The following ERC1 variants were observed in gnomAD, a reference collection of about 807,000 sequenced individuals.
ERC1 encodes the protein ELKS/RAB6-interacting/CAST family member 1.
In ERC1, 56 loss-of-function variants were observed where a neutral mutation model predicts 132.0. The ratio of observed to expected loss-of-function variants is 0.42; its 90% CI spans 0.34 to 0.53. The LOEUF is 0.53. Ranked by LOEUF, ERC1 falls within the 20% of genes least tolerant of loss-of-function variation. The pLI is 0.03. For synonymous variants in ERC1, 478 were observed against 476.1 expected, an observed-to-expected ratio of 1.00 and a Z score of -0.05; for missense variants, 1,202 against 1,349.9, an observed-to-expected ratio of 0.89 and a Z score of 1.72.
chr12:1,051,314 G>A (rs1256408789), intron 2 of ERC1, among the ~76,000 whole-genome samples: 1 of 151,972 alleles, frequency 6.6e-6, no homozygotes, highest in Non-Finnish European at 1.5e-5. Flanking sequence ...AGGATTTAGA[G>A]GTTAAAAAGC....
intron 16 of ERC1, among the ~76,000 whole-genome samples, chr12:1,407,894 T>A (rs2091606057): frequency 6.6e-6 from 1 of 152,092 alleles, no homozygotes; most frequent in Non-Finnish European, 1.5e-5. Context: ...CTTAATTACC[T>A]CCTGAAGACC....
At chr12:1,463,288 A>G (rs1011754772) in intron 18 of ERC1, among the ~76,000 whole-genome samples, 5 of 152,186 alleles carry the variant, frequency 3.3e-5, no homozygotes, top group Non-Finnish European at 5.9e-5. Context: ...ATCATCAGTC[A>G]CAGACATGAC....
At chr12:1,019,104 C>T (rs898528648) in intron 1 of ERC1, among the ~76,000 whole-genome samples, 1 of 152,090 alleles carries the variant, frequency 6.6e-6, no homozygotes, top group African/African-American at 2.4e-5. Context: ...ATCTCATATG[C>T]ACTACCAAGG....
intron 17 of ERC1, among the ~76,000 whole-genome samples, chr12:1,408,933 A>G (rs1300423015): frequency 6.6e-6 from 1 of 152,230 alleles, no homozygotes; most frequent in Non-Finnish European, 1.5e-5. Context: ...CCATTACCAA[A>G]AATCAAATTT....
intron 14 of ERC1, among the ~76,000 whole-genome samples, chr12:1,265,413 A>G (rs1268116017): frequency 6.6e-6 from 1 of 152,144 alleles, no homozygotes; most frequent in South Asian, 2.1e-4. Flanking sequence ...TGTTTTATTT[A>G]TGGTTAATAG....
chr12:1,300,246 G>A (rs2080284120), intron 15 of ERC1, among the ~76,000 whole-genome samples: 1 of 152,016 alleles, frequency 6.6e-6, no homozygotes. Flanking sequence ...AATGGTCCTG[G>A]GATAACTGCC....
chr12:1,273,176 C>T (rs868280341), intron 14 of ERC1, among the ~76,000 whole-genome samples: 43 of 151,990 alleles, frequency 2.8e-4, no homozygotes, highest in African/African-American at 9.9e-4. Context: ...CAGGAAGATA[C>T]GGAAATTTTA....
intron 1 of ERC1, among the ~76,000 whole-genome samples, chr12:1,021,032 C>T (rs112231570): frequency 1.3e-5 from 2 of 152,212 alleles, no homozygotes; most frequent in South Asian, 2.1e-4. Flanking sequence ...CTCCACCTCC[C>T]GGGTTCAAGC....
rs144445742 is a variant in ERC1, at chr12:1,487,909, C to T, written c.3214-2184C>T. On this transcript the variant is annotated intron_variant, in intron 18 of 18. Coordinates refer to ENST00000360905, the MANE Select transcript of ERC1 (RefSeq NM_178040.4). ...ATCCCAACACTTTGGGAGGCCGAGG[C>T]GGGCGGATCACAAGGTCAGGAGATC... is the stretch of plus-strand genomic sequence containing the variant. 8.5e-3 allele frequency among the ~76,000 whole-genome samples: 1,288 copies of T among 152,076 alleles called. 25 individuals are homozygous for T. Among genetic ancestry groups the T allele is most frequent in the African/African-American group, 0.029 (1,190 of 41,474 alleles).
intron 12 of ERC1, among the ~76,000 whole-genome samples, chr12:1,236,412 A>G (rs1018144584): frequency 1.3e-5 from 2 of 152,202 alleles, no homozygotes; most frequent in Non-Finnish European, 2.9e-5. Context: ...TCTATCAGCC[A>G]TTCTAATATT....
intron 13 of ERC1, among the ~76,000 whole-genome samples, chr12:1,248,805 C>T (rs1458790159): frequency 2.0e-5 from 3 of 152,156 alleles, no homozygotes; most frequent in Non-Finnish European, 2.9e-5. Flanking sequence ...TTGCACGAGA[C>T]AAACAAGCTT....
chr12:1,001,846 G>A (rs1182353026), intron 1 of ERC1, among the ~76,000 whole-genome samples: 1 of 138,588 alleles, frequency 7.2e-6, no homozygotes, highest in Non-Finnish European at 1.5e-5. Flanking sequence ...GACTATTCTT[G>A]TAAAGTCTTT....
intron 8 of ERC1, among the ~76,000 whole-genome samples, chr12:1,175,158 C>T (rs1953548785): frequency 6.6e-6 from 1 of 152,180 alleles, no homozygotes; most frequent in Admixed American, 6.5e-5. Flanking sequence ...TGTCTTGCCT[C>T]TGTGTTGGTG....
chr12:1,311,571 C>T (rs1447041114), intron 15 of ERC1, among the ~76,000 whole-genome samples: 1 of 151,934 alleles, frequency 6.6e-6, no homozygotes, highest in Non-Finnish European at 1.5e-5. Flanking sequence ...CCTTTTTTTC[C>T]CGTGAGCATC....
chr12:1,071,789 A>T lies in ERC1; in HGVS notation c.670-11375A>T, dbSNP rs188737987. 1.3e-3 allele frequency among the ~76,000 whole-genome samples: 193 copies of T among 152,292 alleles called. 1 individual carries two copies. The highest frequency in any genetic ancestry group is 2.1e-3 in the Non-Finnish European group (143 of 68,020). On this transcript the variant is annotated intron_variant, in intron 2 of 18. Coordinates refer to ENST00000360905, the MANE Select transcript of ERC1 (RefSeq NM_178040.4). Reference sequence around the variant, plus strand: ...AGTACTTCCTAAGATAACCATCCAAATATCTTTCCCTTAAAAGTATAAAGT... The same window carrying T: ...AGTACTTCCTAAGATAACCATCCAATTATCTTTCCCTTAAAAGTATAAAGT...
At chr12:1,181,427 A>C (rs1954448938) in intron 9 of ERC1, among the ~76,000 whole-genome samples, 1 of 152,236 alleles carries the variant, frequency 6.6e-6, no homozygotes, top group Non-Finnish European at 1.5e-5. Context: ...AGATTATAAG[A>C]AAAGAAACCT....
At chr12:1,029,740 C>T (rs1417996136) in intron 2 of ERC1, among the ~76,000 whole-genome samples, 1 of 138,518 alleles carries the variant, frequency 7.2e-6, no homozygotes, top group Non-Finnish European at 1.6e-5. Context: ...AAATGTTAAA[C>T]ATACTTTTTT....
chr12:1,249,453 A>G (rs552367096), intron 13 of ERC1, among the ~76,000 whole-genome samples: 1 of 152,324 alleles, frequency 6.6e-6, no homozygotes, highest in South Asian at 2.1e-4. Flanking sequence ...CGCAGTTGGA[A>G]TTAATCATAC....
chr12:1,359,104 A>C (rs1228510675), intron 15 of ERC1, among the ~76,000 whole-genome samples: 1 of 152,154 alleles, frequency 6.6e-6, no homozygotes, highest in Admixed American at 6.5e-5. Context: ...AGCCCTCAAA[A>C]CTTTGACCAA....
Sources: gnomAD v4.1 joint callset for allele counts (sites outside exome capture counted in the v4.1 genomes callset) on GRCh38, gnomAD v4.1.1 for gene constraint, MANE v1.5 for transcripts, NCBI Gene and HGNC (gene_info 2026-07-23, HGNC 2026-07-21) for gene names.